The following KAZN variants were observed in gnomAD, a reference collection of about 807,000 sequenced individuals.
The protein encoded by KAZN is kazrin, periplakin interacting protein.
A neutral mutation model predicts 87.4 loss-of-function variants in KAZN; 40 were observed. The ratio of observed to expected loss-of-function variants is 0.46; its 90% CI spans 0.36 to 0.60. The LOEUF is 0.60. Among genes scored for constraint, KAZN ranks in the 20% least tolerant of loss-of-function variants. The pLI is 0.00. For synonymous variants in KAZN, 466 were observed against 458.3 expected (o/e 1.02, Z -0.22); for missense variants, 898 against 1,073.9 (o/e 0.84, Z 2.29).
At chr1:13,922,103 A>G (rs1471164656) in intron 1 of KAZN, among the ~76,000 whole-genome samples, 3 of 152,106 alleles carry the variant, frequency 2.0e-5, no homozygotes, top group Non-Finnish European at 4.4e-5. Flanking sequence ...GAAACTGGGA[A>G]AGTATGGGGT....
chr1:14,242,929 G>C (rs988346668), intron 2 of KAZN, among the ~76,000 whole-genome samples: 2 of 152,264 alleles, frequency 1.3e-5, no homozygotes, highest in Middle Eastern at 6.8e-3. Context: ...CAAAACGTAA[G>C]AACAGGTCAT....
Position 14,791,870 on chromosome 1 carries a change from C to T in KAZN, c.227-168814C>T, listed in dbSNP as rs572703099. On this transcript the variant is annotated intron_variant, in intron 1 of 14. Transcript: ENST00000376030. ...GCGTTTGATCCCATGGCAGCGGCTG[C>T]GGGATGACTGTTGTTTCTGTGTGAT... is the stretch of plus-strand genomic sequence containing the variant. 7.9e-5 allele frequency among the ~76,000 whole-genome samples: 12 copies of T among 152,328 alleles called. No individual in the cohort carries two copies. The South Asian group carries it at 1.9e-3, about 24-fold the overall frequency.
intron 2 of KAZN, among the ~76,000 whole-genome samples, chr1:14,293,782 C>T (rs760691783): frequency 2.0e-5 from 3 of 152,100 alleles, no homozygotes; most frequent in South Asian, 2.1e-4. Flanking sequence ...ATTAGCAAGC[C>T]GTCTTTCTGA....
At chr1:13,937,874 A>G (rs960718089) in intron 1 of KAZN, among the ~76,000 whole-genome samples, 1 of 152,100 alleles carries the variant, frequency 6.6e-6, no homozygotes, top group African/African-American at 2.4e-5. Context: ...ATTCTGTTCA[A>G]TTGACCTATG....
chr1:14,366,625 A>C (rs1360856611), intron 2 of KAZN, among the ~76,000 whole-genome samples: 1 of 152,156 alleles, frequency 6.6e-6, no homozygotes, highest in Non-Finnish European at 1.5e-5. Flanking sequence ...GTGGGCGAGC[A>C]CTTTTGTGTG....
intron 1 of KAZN, among the ~76,000 whole-genome samples, chr1:14,615,955 C>G (rs1434677076): frequency 6.6e-6 from 1 of 152,184 alleles, no homozygotes; most frequent in Non-Finnish European, 1.5e-5. Flanking sequence ...TGTGGTCTCA[C>G]CTGGCTTGAG....
At chr1:15,109,708 C>CGT (rs1450025937) in intron 13 of KAZN, among the ~76,000 whole-genome samples, 2 of 147,820 alleles carry the variant, frequency 1.4e-5, no homozygotes, top group African/African-American at 5.0e-5. Context: ...TGTGTATGAG[C>CGT]GTGTTTGTGT....
intron 1 of KAZN, among the ~76,000 whole-genome samples, chr1:13,931,988 C>T (rs1310116600): frequency 2.7e-5 from 4 of 150,870 alleles, no homozygotes; most frequent in Non-Finnish European, 4.4e-5. Context: ...ACTACAGGCA[C>T]GTACTGCTAG....
At position 14,421,027 on chromosome 1, in the gene KAZN, G is replaced by A. The variant is rs141577284; in HGVS notation, c.250-177956G>A. 3.0e-4 allele frequency among the ~76,000 whole-genome samples: 46 copies of A among 152,330 alleles called. No individual in the cohort carries two copies. The East Asian group carries it at 6.8e-3, about 22-fold the overall frequency. On this transcript the variant is annotated intron_variant, in intron 2 of 16. Coordinates refer to the KAZN transcript ENST00000636203. The stretch of plus-strand genomic sequence containing the variant: ...CTCCTCAAGCGCGGCCAGAGTGGGC[G>A]CCGAGGCCAAGGAGGCGTGGAGAGC...
intron 8 of KAZN, among the ~76,000 whole-genome samples, chr1:15,091,771 T>C (rs1271846793): frequency 6.6e-6 from 1 of 152,210 alleles, no homozygotes; most frequent in African/African-American, 2.4e-5. Flanking sequence ...TCAATAACCA[T>C]TCATATTGCT....
At chr1:14,119,916 T>C (rs1374833823) in intron 1 of KAZN, among the ~76,000 whole-genome samples, 1 of 47,490 alleles carries the variant, frequency 2.1e-5, no homozygotes, top group Non-Finnish European at 3.6e-5. Flanking sequence ...GGGCTTTATG[T>C]GTACGATCTA....
At chr1:14,220,066 C>G (rs1424653792) in intron 2 of KAZN, among the ~76,000 whole-genome samples, 1 of 152,176 alleles carries the variant, frequency 6.6e-6, no homozygotes, top group Non-Finnish European at 1.5e-5. Context: ...CTCCCTCCTG[C>G]CTTCCAACTG....
intron 1 of KAZN, among the ~76,000 whole-genome samples, chr1:14,059,045 G>A (rs550684637): frequency 6.6e-6 from 1 of 152,304 alleles, no homozygotes; most frequent in South Asian, 2.1e-4. Context: ...TAACCTTCTG[G>A]GAATTTAGAA....
At chr1:14,056,238 G>A (rs1642549692) in intron 1 of KAZN, among the ~76,000 whole-genome samples, 1 of 152,322 alleles carries the variant, frequency 6.6e-6, no homozygotes, top group East Asian at 1.9e-4. Flanking sequence ...TGGCAGACGA[G>A]CTCCGCAGGT....
intron 2 of KAZN, among the ~76,000 whole-genome samples, chr1:14,997,483 A>G (rs1447957883): frequency 2.0e-5 from 3 of 151,846 alleles, no homozygotes; most frequent in Non-Finnish European, 4.4e-5. Flanking sequence ...CAGGTGATCC[A>G]CCTGCCTCGG....
intron 1 of KAZN, among the ~76,000 whole-genome samples, chr1:14,028,122 T>C (rs1557791847): frequency 6.6e-6 from 1 of 152,210 alleles, no homozygotes; most frequent in Non-Finnish European, 1.5e-5. Context: ...CCCCAAACTC[T>C]GCACAGCTTT....
intron 2 of KAZN, among the ~76,000 whole-genome samples, chr1:14,987,023 G>A (rs1047480821): frequency 1.3e-5 from 2 of 152,202 alleles, no homozygotes; most frequent in African/African-American, 2.4e-5. Flanking sequence ...AGGGTATCGA[G>A]TCCTGGTGGG....
chr1:13,964,061 G>T (rs1025061285), intron 1 of KAZN, among the ~76,000 whole-genome samples: 5 of 152,148 alleles, frequency 3.3e-5, no homozygotes, highest in Non-Finnish European at 5.9e-5. Flanking sequence ...TCAAATAGTG[G>T]TGGTAGGGGT....
At chr1:15,084,390 G>A (rs1448628832) in intron 8 of KAZN, among the ~76,000 whole-genome samples, 1 of 152,170 alleles carries the variant, frequency 6.6e-6, no homozygotes, top group East Asian at 1.9e-4. Flanking sequence ...AGACATATTC[G>A]GAAGGGCCTC....
Sources: gnomAD v4.1 joint callset for allele counts (sites outside exome capture counted in the v4.1 genomes callset) on GRCh38, gnomAD v4.1.1 for gene constraint, MANE v1.5 for transcripts, NCBI Gene and HGNC (gene_info 2026-07-23, HGNC 2026-07-21) for gene names.